ANO5: variants seen among roughly 807,000 people sequenced by gnomAD.
ANO5 encodes the protein anoctamin-5.
ANO5 carries 109 observed loss-of-function variants against 121.0 expected under a neutral mutation model. The observed-to-expected ratio is 0.90, with a 90% CI of 0.77 to 1.06. The LOEUF (loss-of-function observed/expected upper bound fraction) is 1.06, where lower values mean the gene tolerates loss of function less well. Ranked by LOEUF, ANO5 falls within the 50% of genes least tolerant of loss-of-function variation. The pLI is 0.00. For missense variants in ANO5, 1,064 were observed against 1,078.5 expected (o/e 0.99, Z 0.19); for synonymous variants, 406 against 359.9 (o/e 1.13, Z -1.45).
chr11:22,259,101 C>G (rs970912020), intron 14 of ANO5, among the ~76,000 whole-genome samples: 6 of 148,988 alleles, frequency 4.0e-5, no homozygotes, highest in African/African-American at 1.5e-4. Flanking sequence ...CCACTGCACT[C>G]CAGCCTGGGC....
At chr11:22,266,128 A>G (rs1854356597) in intron 17 of ANO5, among the ~76,000 whole-genome samples, 1 of 152,184 alleles carries the variant, frequency 6.6e-6, no homozygotes, top group Non-Finnish European at 1.5e-5. Flanking sequence ...AGACAAAACT[A>G]TTTTTTAAAA....
At chr11:22,224,608 G>A (rs1280259247) in intron 5 of ANO5, among the ~76,000 whole-genome samples, 4 of 152,002 alleles carry the variant, frequency 2.6e-5, no homozygotes, top group African/African-American at 9.7e-5. Flanking sequence ...TCTAAGACCT[G>A]AAACTATGAA....
chr11:22,220,516 A>G (rs1174796393), intron 4 of ANO5, among the ~76,000 whole-genome samples: 1 of 151,952 alleles, frequency 6.6e-6, no homozygotes, highest in Non-Finnish European at 1.5e-5. Flanking sequence ...CTCACCTGGG[A>G]AATTGATGTT....
intron 15 of ANO5, among the ~76,000 whole-genome samples, chr11:22,259,978 A>G (rs1236973430): frequency 6.6e-6 from 1 of 151,344 alleles, no homozygotes; most frequent in Non-Finnish European, 1.5e-5. Context: ...CTGACTCTAT[A>G]TATCTTTCTC....
chr11:22,278,770 G>A (rs1403412114), intron 21 of ANO5, among the ~76,000 whole-genome samples: 2 of 151,568 alleles, frequency 1.3e-5, no homozygotes, highest in Non-Finnish European at 3.0e-5. Flanking sequence ...CCCAGAGAAA[G>A]CCCTTTATAG....
In ANO5 at chr11:22,259,657, C is replaced by G; in HGVS notation, c.1546C>G (p.Leu516Val). The G allele has an allele frequency of 6.2e-7, 1 of 1,614,070 alleles. No individual in the cohort carries two copies. Among genetic ancestry groups the G allele is most frequent in the South Asian group, 1.1e-5 (1 of 91,084 alleles). ...SFLTPQITTS[L>V]TGSCLNFIVI... is the part of the protein sequence containing the mutation. ...CCTTACTCCTCAGATAACCACATCA[C>G]TCACAGGATCATGCTTGAACTTTAT... Residue 516 changes from leucine to valine, a missense_variant, in exon 15 of 22, where the codon CTC becomes GTC. By Grantham distance (32) the Leu-to-Val change is conservative. Transcript: ENST00000324559.
upstream of ANO5, among the ~76,000 whole-genome samples, chr11:22,192,732 C>T (rs1182038388): frequency 6.6e-6 from 1 of 152,168 alleles, no homozygotes; most frequent in African/African-American, 2.4e-5. Flanking sequence ...AGGAGGGAAG[C>T]GGCAGCCCTG....
At chr11:22,276,529 A>G (rs1184493349) in intron 21 of ANO5, among the ~76,000 whole-genome samples, 5 of 151,838 alleles carry the variant, frequency 3.3e-5, no homozygotes, top group African/African-American at 1.2e-4. Context: ...GTATTAAATC[A>G]TAACAACATT....
chr11:22,200,437 C>G (rs145566789), intron 1 of ANO5, among the ~76,000 whole-genome samples: 83 of 152,254 alleles, frequency 5.5e-4, no homozygotes, highest in African/African-American at 2.0e-3. Context: ...AATGCAGCAT[C>G]AGCGCTTCAT....
rs546738850 is a variant in ANO5, at chr11:22,256,323, G to T, written c.1332+801G>T. Among the ~76,000 whole-genome samples, 6 of 152,206 alleles carry T rather than the reference G, an allele frequency of 3.9e-5. 1 individual carries two copies. In the South Asian group the frequency reaches 1.2e-3, roughly 32 times the overall value. On this transcript the variant is annotated intron_variant, in intron 13 of 21. Transcript: ENST00000324559. ...TGTCCTAAATACACTCTCTTCAATA[G>T]AATTCCCTATTCTCTTCAGAAAATT...
Position 22,257,695 on chromosome 11 carries a change from A to T in ANO5, c.1348A>T (p.Met450Leu), listed in dbSNP as rs1362712764. Residue 450 changes from methionine to leucine, a missense_variant, in exon 14 of 22, where the codon ATG becomes TTG. Coordinates refer to ENST00000324559, the MANE Select transcript of ANO5 (RefSeq NM_213599.3). ...NAVTKEMEPYMPLYTRIPWYF... is the reference protein window; with the variant it reads ...NAVTKEMEPYLPLYTRIPWYF... ...AATATTACAGGAGATGGAACCTTAC[A>T]TGCCTCTATACACGCGTATTCCATG... 8 of 1,611,624 alleles carry T rather than the reference A, an allele frequency of 5.0e-6. No individual in the cohort carries two copies. The highest frequency in any genetic ancestry group is 6.8e-6 in the Non-Finnish European group (8 of 1,178,046).
chr11:22,227,815 A>G (rs1054925314), intron 7 of ANO5, among the ~76,000 whole-genome samples: 1 of 152,118 alleles, frequency 6.6e-6, no homozygotes. Context: ...GTATGGATGT[A>G]GTAAAGAAAG....
rs1215240012 is a variant in ANO5, at chr11:22,280,440, AT to A, written c.*678del. The A allele has an allele frequency of 6.6e-6, 1 of 151,812 alleles. No homozygotes were observed. The highest frequency in any genetic ancestry group is 1.9e-4 in the East Asian group (1 of 5,170). 9.4% of individuals were successfully genotyped at this position (151,812 alleles called of 1,614,324 possible). On this transcript the variant is annotated 3_prime_UTR_variant, in exon 22 of 22. Coordinates refer to ENST00000324559, the MANE Select transcript of ANO5 (RefSeq NM_213599.3). ...AACAACTTGGTTCTTAGAGATAATA[AT>A]TTGGTTATAATAGTTTCAAGACTGA... is the stretch of plus-strand genomic sequence containing the variant.
intron 7 of ANO5, among the ~76,000 whole-genome samples, chr11:22,235,698 T>C (rs1853191234): frequency 1.3e-5 from 2 of 152,146 alleles, no homozygotes; most frequent in Admixed American, 1.3e-4. Flanking sequence ...GCTGTAGAGA[T>C]AGGATCACTT....
rs1590243724 is a variant in ANO5, at chr11:22,226,069, AT to A, written c.363+20del. 6.4e-7 allele frequency: 1 copy of A among 1,574,128 alleles called. No individual in the cohort carries two copies. The highest frequency in any genetic ancestry group is 1.7e-5 in the Admixed American group (1 of 59,712). On this transcript the variant is annotated intron_variant, in intron 6 of 21. Transcript: ENST00000324559. ...GACAAAAGGGTAAATGTAGTTGATA[AT>A]TTATACAAGCCTCTTTAATTTAAGT...
At chr11:22,274,546 C>A in intron 19 of ANO5, 23 bp from the exon 20 acceptor site, 2 of 1,544,440 alleles carry the variant, frequency 1.3e-6, no homozygotes, top group South Asian at 1.2e-5. Flanking sequence ...GATGATCTTC[C>A]TCTTTTTTTT....
At chr11:22,259,428 A>G (rs1323383396) in intron 14 of ANO5, 91 bp from the exon 15 acceptor site, 5 of 1,322,968 alleles carry the variant, frequency 3.8e-6, no homozygotes, top group Non-Finnish European at 5.4e-6. Context: ...ACTTCATATA[A>G]TGAGATGAAC....
chr11:22,202,322 TTC>T (rs1369603624), intron 1 of ANO5, among the ~76,000 whole-genome samples: 1 of 152,078 alleles, frequency 6.6e-6, no homozygotes, highest in African/African-American at 2.4e-5. Flanking sequence ...ATGGTTGAAT[TTC>T]TGTCAAGTAT....
At chr11:22,229,833 T>C (rs934068850) in intron 7 of ANO5, among the ~76,000 whole-genome samples, 2 of 151,968 alleles carry the variant, frequency 1.3e-5, no homozygotes, top group Non-Finnish European at 1.5e-5. Flanking sequence ...TGTTCTTGCT[T>C]TATTGAGGAA....
Sources: allele counts gnomAD v4.1 joint callset (sites outside exome capture counted in the v4.1 genomes callset), GRCh38; gene constraint gnomAD v4.1.1; transcripts MANE v1.5; gene names NCBI Gene and HGNC (gene_info 2026-07-23, HGNC 2026-07-21).